COL15A1: variants seen among roughly 807,000 people sequenced by gnomAD.
The protein encoded by COL15A1 is collagen alpha-1(XV) chain.
Under a neutral mutation model 165.9 loss-of-function variants are expected in COL15A1, and 111 were observed. That is an observed-to-expected ratio of 0.67 (90% CI 0.57 to 0.78). The LOEUF (loss-of-function observed/expected upper bound fraction) is 0.78. Among genes scored for constraint, COL15A1 ranks in the 30% least tolerant of loss-of-function variants. The pLI is 0.00. For missense variants in COL15A1, 1,745 were observed against 1,789.7 expected (o/e 0.98, Z 0.45); for synonymous variants, 659 against 674.8 (o/e 0.98, Z 0.36).
chr9:99,041,992 T>C, intron 23 of COL15A1, 53 bp from the exon 24 acceptor site: 1 of 1,152,278 alleles, frequency 8.7e-7, no homozygotes, highest in Non-Finnish European at 1.3e-6. Flanking sequence ...CTGATTGGTT[T>C]ATGCATTTTA....
At chr9:99,017,187 A>G (rs771534532) in intron 11 of COL15A1, among the ~76,000 whole-genome samples, 1 of 152,130 alleles carries the variant, frequency 6.6e-6, no homozygotes, top group Non-Finnish European at 1.5e-5. Flanking sequence ...TTGATTAATC[A>G]CTCTGTGCTC....
Position 99,005,044 on chromosome 9 carries a change from C to T in COL15A1, c.1347C>T (p.Ala449=). The T allele has an allele frequency of 6.2e-7, 1 of 1,606,106 alleles. No homozygotes were observed. The highest frequency in any genetic ancestry group is 8.5e-7 in the Non-Finnish European group (1 of 1,176,286). The part of the protein sequence containing the change: ...SMSAQSLGEE[A]TVGPSSEDSL... ...CCGCCCAGAGCCTCGGGGAAGAGGCCACTGTGGTAAGGATCGTACAGTGCC... is the reference window on the plus strand; with the variant it reads ...CCGCCCAGAGCCTCGGGGAAGAGGCTACTGTGGTAAGGATCGTACAGTGCC... Residue 449 remains alanine (A), a synonymous_variant, in exon 9 of 42, where the codon GCC becomes GCT. Transcript: ENST00000375001.
At chr9:99,000,736 T>C (rs1378527108) in intron 6 of COL15A1, 103 bp from the exon 7 acceptor site, 4 of 711,038 alleles carry the variant, frequency 5.6e-6, no homozygotes, top group East Asian at 5.2e-5. Context: ...CCCTGTGTCA[T>C]GGTATCTGAA....
At chr9:99,003,825 G>A (rs1838707809) in intron 8 of COL15A1, among the ~76,000 whole-genome samples, 1 of 152,250 alleles carries the variant, frequency 6.6e-6, no homozygotes, top group East Asian at 1.9e-4. Flanking sequence ...TAGGATAGAC[G>A]TGATTCCTGA....
chr9:99,046,717 C>T (rs1320409067), intron 26 of COL15A1, among the ~76,000 whole-genome samples: 2 of 152,180 alleles, frequency 1.3e-5, no homozygotes, highest in Non-Finnish European at 2.9e-5. Flanking sequence ...ATTCGATTAC[C>T]TCCCACCACG....
At chr9:99,061,257 C>T (rs1402977021) in intron 36 of COL15A1, among the ~76,000 whole-genome samples, 1 of 152,172 alleles carries the variant, frequency 6.6e-6, no homozygotes, top group African/African-American at 2.4e-5. Context: ...ATCTTCAAGG[C>T]TAGGTGAAAA....
At chr9:99,027,392 A>G (rs1839144102) in intron 16 of COL15A1, among the ~76,000 whole-genome samples, 2 of 152,210 alleles carry the variant, frequency 1.3e-5, no homozygotes, top group African/African-American at 2.4e-5. Flanking sequence ...CCATAACTCA[A>G]TTTTCGTGGA....
intron 10 of COL15A1, 99 bp downstream of exon 10, chr9:99,015,665 T>C (rs1838920741): frequency 1.7e-6 from 2 of 1,185,344 alleles, no homozygotes; most frequent in Admixed American, 4.1e-5. Context: ...CACCTGTAGC[T>C]TGGTTATGAG....
At chr9:99,052,289 T>A (rs1361656162) in intron 30 of COL15A1, 99 bp from the exon 31 acceptor site, 1 of 877,194 alleles carries the variant, frequency 1.1e-6, no homozygotes, top group Non-Finnish European at 1.9e-6. Context: ...TCTGTGGCAT[T>A]GCCTCTTTTG....
chr9:98,945,622 C>T (rs1344459767), intron 2 of COL15A1, among the ~76,000 whole-genome samples: 1 of 152,236 alleles, frequency 6.6e-6, no homozygotes, highest in Non-Finnish European at 1.5e-5. Flanking sequence ...CAACAAGACC[C>T]AAATCCGATG....
chr9:98,957,663 T>C (rs1262069097), intron 2 of COL15A1, among the ~76,000 whole-genome samples: 2 of 149,958 alleles, frequency 1.3e-5, no homozygotes, highest in Admixed American at 6.6e-5. Flanking sequence ...CTAGGGTTAT[T>C]TCTCTCTCTC....
intron 7 of COL15A1, among the ~76,000 whole-genome samples, chr9:99,001,635 G>T (rs1838657459): frequency 6.6e-6 from 1 of 152,206 alleles, no homozygotes; most frequent in Non-Finnish European, 1.5e-5. Flanking sequence ...CTAGGAAACT[G>T]CCAGGAAAGG....
At chr9:98,951,837 C>T (rs1290365305) in intron 2 of COL15A1, among the ~76,000 whole-genome samples, 2 of 152,186 alleles carry the variant, frequency 1.3e-5, no homozygotes, top group Non-Finnish European at 2.9e-5. Flanking sequence ...GGATTACAGG[C>T]GTGAGCCACT....
At chr9:99,036,490 G>C in intron 21 of COL15A1, 94 bp downstream of exon 21, 1 of 1,339,596 alleles carries the variant, frequency 7.5e-7, no homozygotes, top group Non-Finnish European at 1.0e-6. Flanking sequence ...TTCTGGCTAT[G>C]CAGGAGGCAT....
intron 25 of COL15A1, 28 bp downstream of exon 25, chr9:99,044,664 A>G: frequency 6.2e-7 from 1 of 1,612,842 alleles, no homozygotes; most frequent in Non-Finnish European, 8.5e-7. Context: ...CCCTGCAGGC[A>G]CATATCTGCC....
intron 24 of COL15A1, among the ~76,000 whole-genome samples, chr9:99,044,248 T>C (rs920541337): frequency 6.6e-6 from 1 of 152,032 alleles, no homozygotes; most frequent in Non-Finnish European, 1.5e-5. Context: ...AGAGTGAGGA[T>C]GCAAATCTGT....
intron 7 of COL15A1, among the ~76,000 whole-genome samples, chr9:99,002,463 C>T (rs1838678188): frequency 6.6e-6 from 1 of 152,302 alleles, no homozygotes; most frequent in Non-Finnish European, 1.5e-5. Flanking sequence ...GCTCTCCAGG[C>T]ACTCAACCCC....
intron 5 of COL15A1, among the ~76,000 whole-genome samples, chr9:98,990,024 C>T (rs191889826): frequency 1.2e-4 from 19 of 152,320 alleles, no homozygotes; most frequent in Admixed American, 6.5e-5. Context: ...ACTTTGTAAA[C>T]GTATCTCTAA....
chr9:99,040,787 G>T, intron 23 of COL15A1: 2 of 664,972 alleles, frequency 3.0e-6, no homozygotes, highest in Non-Finnish European at 4.9e-6. Flanking sequence ...CCAAAGTGCT[G>T]GGATTACAAG....
Sources: allele counts gnomAD v4.1 joint callset (sites outside exome capture counted in the v4.1 genomes callset), GRCh38; gene constraint gnomAD v4.1.1; transcripts MANE v1.5; gene names NCBI Gene and HGNC (gene_info 2026-07-23, HGNC 2026-07-21).